Variants in TMEM131L observed in about 807,000 individuals in gnomAD.
TMEM131L encodes transmembrane 131 like, also known as transmembrane protein 131-like.
A neutral mutation model predicts 192.2 loss-of-function variants in TMEM131L; 54 were observed. The ratio of observed to expected loss-of-function variants is 0.28; its 90% CI spans 0.23 to 0.35. TMEM131L has a LOEUF of 0.35. Among genes scored for constraint, TMEM131L ranks in the 10% least tolerant of loss-of-function variants. The pLI is 1.00. For synonymous variants in TMEM131L, 701 were observed against 704.9 expected, an observed-to-expected ratio of 0.99 and a Z score of 0.09; for missense variants, 1,888 against 1,972.9, an observed-to-expected ratio of 0.96 and a Z score of 0.82.
chr4:153,631,795 C>G (rs554613112), intron 31 of TMEM131L, among the ~76,000 whole-genome samples: 2 of 152,216 alleles, frequency 1.3e-5, no homozygotes, highest in African/African-American at 4.8e-5. Context: ...CCAATCCGCT[C>G]TCTATAGCCT....
In TMEM131L at chr4:153,604,125, G is replaced by A. The variant is rs866743426; in HGVS notation, c.3113G>A (p.Gly1038Asp). ...TGGATCAGCCTCAGATATGCAAGTG[G>A]CATAAATGTCAACCTGCAGAAGAAT... ...ENWISLRYAS[G>D]INVNLQKNLT... The change falls in exon 25 of 35, where the codon GGC becomes GAC. Residue 1038 changes from glycine to aspartate, a missense_variant. Physicochemically the swap from Gly to Asp is moderately conservative, Grantham distance 94 (BLOSUM62 -1). Transcript: ENST00000409959. The A allele has an allele frequency of 5.6e-6, 9 of 1,613,980 alleles. No homozygotes were observed. Among genetic ancestry groups the A allele is most frequent in the South Asian group, 4.4e-5 (4 of 91,078 alleles).
chr4:153,629,232 C>T (rs547931768), intron 31 of TMEM131L, among the ~76,000 whole-genome samples: 5 of 152,302 alleles, frequency 3.3e-5, no homozygotes, highest in African/African-American at 1.2e-4. Context: ...AGCCTCGTGC[C>T]TCGTTTACTT....
chr4:153,522,170 C>T (rs113825815), intron 3 of TMEM131L, among the ~76,000 whole-genome samples: 4 of 152,090 alleles, frequency 2.6e-5, no homozygotes, highest in African/African-American at 9.6e-5. Context: ...GTGAAGGAGC[C>T]GGAGGAGAAA....
intron 3 of TMEM131L, among the ~76,000 whole-genome samples, chr4:153,538,246 T>G (rs1736493136): frequency 6.6e-6 from 1 of 152,202 alleles, no homozygotes; most frequent in Non-Finnish European, 1.5e-5. Flanking sequence ...CTCTTTTCTT[T>G]CTGGTGTGGC....
chr4:153,493,854 A>G (rs960648398), intron 3 of TMEM131L, among the ~76,000 whole-genome samples: 1 of 152,158 alleles, frequency 6.6e-6, no homozygotes, highest in African/African-American at 2.4e-5. Context: ...AGGCATTTAA[A>G]AGCCTTGCAT....
At chr4:153,544,341 A>G (rs1425975359) in intron 3 of TMEM131L, among the ~76,000 whole-genome samples, 6 of 152,224 alleles carry the variant, frequency 3.9e-5, no homozygotes, top group Non-Finnish European at 7.3e-5. Flanking sequence ...GTGTTCTCCA[A>G]GAGCTGAGTA....
rs1384661533 is a variant in TMEM131L at position 153,556,950 on chromosome 4, G to C, written c.433-16G>C. On this transcript the variant is annotated splice_polypyrimidine_tract_variant and intron_variant, in intron 5 of 34. Transcript: ENST00000409959. ...GGAGGCCATTCCAAGTGGCTGACTG[G>C]GGACCTTTCTTTCAGGTAATTCCAG... 3 of 1,279,332 alleles carry C rather than the reference G, an allele frequency of 2.3e-6. No homozygotes were observed. Among genetic ancestry groups the C allele is most frequent in the Admixed American group, 3.6e-5 (2 of 55,246 alleles). 79.2% of individuals were successfully genotyped at this position (1,279,332 alleles called of 1,614,324 possible). A position where few individuals can be genotyped will look rare whatever the true frequency, so the allele number is the denominator to read the frequency against.
At chr4:153,593,708 G>A in intron 18 of TMEM131L, 91 bp from the exon 19 acceptor site, 1 of 824,360 alleles carries the variant, frequency 1.2e-6, no homozygotes. Context: ...ACTCACCTAT[G>A]TATAAATGTA....
In TMEM131L at chr4:153,620,822, T is replaced by G. The variant is rs138148626; in HGVS notation, c.3634T>G (p.Trp1212Gly). 2 of 1,599,928 alleles carry G rather than the reference T, an allele frequency of 1.3e-6. No individual in the cohort carries two copies. The highest frequency in any genetic ancestry group is 1.3e-5 in the African/African-American group (1 of 74,138). ...AGAAGGAAATTTACAAAATTTAAAT[T>G]GGAGTAAAAGTCGAACATGTAGAAA... The part of the protein sequence containing the change: ...KREGNLQNLN[W>G]SKSRTCRKNK... Residue 1212 changes from tryptophan (W) to glycine (G), a missense_variant, in exon 27 of 35, where the codon TGG becomes GGG. Physicochemically the swap from Trp to Gly is radical, Grantham distance 184. Coordinates refer to ENST00000409959, the MANE Select transcript of TMEM131L (RefSeq NM_001131007.2).
In TMEM131L at chr4:153,493,169, A is replaced by G. The variant is rs368382927; in HGVS notation, c.239+19281A>G. On this transcript the variant is annotated intron_variant, in intron 3 of 34. Transcript: ENST00000409959. ...AGACCATCCTGGCTAACATGGTGAA[A>G]CCCCATCTCTACTAAAAATACAAAA... 5.7e-4 allele frequency among the ~76,000 whole-genome samples: 85 copies of G among 150,242 alleles called. No individual in the cohort carries two copies. In the Middle Eastern group the frequency reaches 0.01, roughly 19 times the overall value.
intron 3 of TMEM131L, among the ~76,000 whole-genome samples, chr4:153,485,368 G>A (rs1335771662): frequency 3.9e-5 from 6 of 152,014 alleles, no homozygotes; most frequent in African/African-American, 7.3e-5. Context: ...ACATGGCTCC[G>A]AATGATACAT....
chr4:153,559,404 C>T (rs1009833725), intron 7 of TMEM131L, among the ~76,000 whole-genome samples: 1 of 152,250 alleles, frequency 6.6e-6, no homozygotes, highest in African/African-American at 2.4e-5. Context: ...AGGTTTTAAG[C>T]AGGAGACTGA....
intron 3 of TMEM131L, among the ~76,000 whole-genome samples, chr4:153,536,864 C>T (rs2150296413): frequency 6.6e-6 from 1 of 152,242 alleles, no homozygotes; most frequent in South Asian, 2.1e-4. Context: ...AGCTGAAGAA[C>T]TTGGGAGTCT....
At chr4:153,522,384 A>C (rs1032346914) in intron 3 of TMEM131L, among the ~76,000 whole-genome samples, 3 of 152,204 alleles carry the variant, frequency 2.0e-5, no homozygotes, top group African/African-American at 7.2e-5. Flanking sequence ...GTGGGTGAGA[A>C]GCAGGGATGT....
chr4:153,527,059 A>G (rs979259049), intron 3 of TMEM131L, among the ~76,000 whole-genome samples: 2 of 152,070 alleles, frequency 1.3e-5, no homozygotes, highest in Admixed American at 1.3e-4. Context: ...GAAAGACTGA[A>G]GATCCCTTTT....
intron 31 of TMEM131L, among the ~76,000 whole-genome samples, chr4:153,628,469 T>C (rs17030266): frequency 0.032 from 4,863 of 152,338 alleles, 266 homozygotes; most frequent in African/African-American, 0.11. Context: ...TTAATACACA[T>C]ACTTGCTTTT....
intron 3 of TMEM131L, among the ~76,000 whole-genome samples, chr4:153,509,585 G>A (rs976377985): frequency 3.3e-5 from 5 of 151,832 alleles, no homozygotes; most frequent in Admixed American, 1.3e-4. Flanking sequence ...AATCAGCCAG[G>A]TATGATGGCA....
At chr4:153,535,393 G>C (rs996476160) in intron 3 of TMEM131L, among the ~76,000 whole-genome samples, 1 of 152,042 alleles carries the variant, frequency 6.6e-6, no homozygotes, top group Non-Finnish European at 1.5e-5. Flanking sequence ...TGTAAATTTG[G>C]GGTGGTGTTT....
intron 3 of TMEM131L, among the ~76,000 whole-genome samples, chr4:153,536,250 C>G (rs1320606724): frequency 1.3e-5 from 2 of 152,146 alleles, no homozygotes; most frequent in Non-Finnish European, 2.9e-5. Flanking sequence ...AGAGGGACTC[C>G]TGGGCTTGAG....
Sources: gnomAD v4.1 joint callset for allele counts (sites outside exome capture counted in the v4.1 genomes callset) on GRCh38, gnomAD v4.1.1 for gene constraint, MANE v1.5 for transcripts, NCBI Gene and HGNC (gene_info 2026-07-23, HGNC 2026-07-21) for gene names.